The following PLXNA4 variants were observed in gnomAD, a reference collection of about 807,000 sequenced individuals.
The protein encoded by PLXNA4 is plexin-A4.
A neutral mutation model predicts 191.8 loss-of-function variants in PLXNA4; 44 were observed. The observed-to-expected ratio is 0.23, with a 90% CI of 0.18 to 0.29. The LOEUF (loss-of-function observed/expected upper bound fraction) is 0.29, where lower values mean the gene tolerates loss of function less well. Among genes scored for constraint, PLXNA4 ranks in the 10% least tolerant of loss-of-function variants. The pLI, the probability that PLXNA4 is intolerant of heterozygous loss-of-function variation, is 1.00. For synonymous variants in PLXNA4, 1,082 were observed against 1,009.5 expected, an observed-to-expected ratio of 1.07 and a Z score of -1.36; for missense variants, 1,800 against 2,488.8, an observed-to-expected ratio of 0.72 and a Z score of 5.89.
chr7:132,173,359 C>T (rs1210033398), intron 21 of PLXNA4, among the ~76,000 whole-genome samples: 1 of 152,160 alleles, frequency 6.6e-6, no homozygotes, highest in Non-Finnish European at 1.5e-5. Flanking sequence ...TATGCACGGG[C>T]TACATCTACA....
At position 132,133,147 on chromosome 7, in the gene PLXNA4, C is replaced by T. The variant is rs756962656; in HGVS notation, c.5491G>A (p.Ala1831Thr). 8.1e-6 allele frequency: 13 copies of T among 1,614,132 alleles called. No individual in the cohort carries two copies. The highest frequency in any genetic ancestry group is 1.0e-5 in the Non-Finnish European group (12 of 1,180,028). The change falls in exon 31 of 32, where the codon GCA (alanine) becomes ACA (threonine). Residue 1831 changes from alanine (A) to threonine (T), a missense_variant. Ala to Thr is a moderately conservative substitution (Grantham distance 58). This residue lies in a region of PLXNA4 where 83 missense variants were observed against 81.6 expected (regional missense o/e 1.02). Transcript: ENST00000321063. ...MPAISDQDMN[A>T]YLAEQSRMHM... ...ATCCGGGACTGCTCAGCCAGGTATG[C>T]GTTCATGTCTTGGTCGCTGATGGCT...
chr7:132,333,207 A>G (rs1388508766), intron 3 of PLXNA4, among the ~76,000 whole-genome samples: 1 of 152,136 alleles, frequency 6.6e-6, no homozygotes, highest in Admixed American at 6.5e-5. Context: ...TGCAGCGGCC[A>G]TCCCTGTGTG....
Position 132,302,637 on chromosome 7 carries a change from C to T in PLXNA4, c.1372-4415G>A, listed in dbSNP as rs556265684. On this transcript the variant is annotated intron_variant, in intron 3 of 31. Coordinates refer to ENST00000321063, the MANE Select transcript of PLXNA4 (RefSeq NM_020911.2). The stretch of plus-strand genomic sequence containing the variant: ...AAAACAGACAAGCAGAAGCCATCAT[C>T]TTGGTCAAGTTCACCTGAACATACG... Among the ~76,000 whole-genome samples the T allele has an allele frequency of 3.3e-5, 5 of 151,204 alleles. No individual in the cohort carries two copies. In the South Asian group the frequency reaches 1.1e-3, roughly 32 times the overall value.
chr7:132,388,022 A>T (rs899885102), intron 3 of PLXNA4, among the ~76,000 whole-genome samples: 51 of 152,180 alleles, frequency 3.4e-4, no homozygotes, highest in African/African-American at 1.2e-3. Context: ...GCTTCAATCA[A>T]TTCCCACCGA....
chr7:132,315,059 T>C (rs1801892092), intron 3 of PLXNA4, among the ~76,000 whole-genome samples: 1 of 152,224 alleles, frequency 6.6e-6, no homozygotes, highest in South Asian at 2.1e-4. Flanking sequence ...TGGAATATTG[T>C]GCTCTTCCTC....
At chr7:132,218,634 G>T (rs889505516) in intron 9 of PLXNA4, among the ~76,000 whole-genome samples, 1 of 152,202 alleles carries the variant, frequency 6.6e-6, no homozygotes, top group Non-Finnish European at 1.5e-5. Context: ...GTCCAGGTTG[G>T]CCTGTGGAGG....
In PLXNA4 at chr7:132,125,406, A is replaced by AT. The variant is rs113584906; in HGVS notation, c.*5072dup. On this transcript the variant is annotated 3_prime_UTR_variant, in exon 32 of 32. Transcript: ENST00000321063. ...CCTCATCCAGGGAATGTCCTGACCC[A>AT]TTTTTTTTTTTCAATGGGGGAGGCT... The AT allele has an allele frequency of 1.2e-3, 168 of 143,700 alleles. 1 individual carries two copies. The highest frequency in any genetic ancestry group is 4.7e-3 in the South Asian group (21 of 4,514). 8.9% of individuals were successfully genotyped at this position (143,700 alleles called of 1,614,324 possible).
chr7:132,491,726 C>A (rs746770886), intron 2 of PLXNA4, among the ~76,000 whole-genome samples: 4 of 152,002 alleles, frequency 2.6e-5, no homozygotes, highest in Non-Finnish European at 5.9e-5. Flanking sequence ...GTCAGGAGTT[C>A]GAGACCAACA....
chr7:132,203,276 C>T lies in PLXNA4; in HGVS notation c.2395+47G>A, dbSNP rs1797502837. On this transcript the variant is annotated intron_variant, in intron 11 of 31. Transcript: ENST00000321063. ...GCAGGACGGCTCCTTCCCTCTCTAC[C>T]CCATCCCTTCCCCTCCCTCCCCTGC... 3.3e-6 allele frequency: 5 copies of T among 1,537,456 alleles called. No individual in the cohort carries two copies. The South Asian group carries it at 3.4e-5, about 10-fold the overall frequency.
At chr7:132,642,914 C>T (rs533401819) in intron 2 of PLXNA4, among the ~76,000 whole-genome samples, 15 of 152,118 alleles carry the variant, frequency 9.9e-5, no homozygotes, top group African/African-American at 1.9e-4. Flanking sequence ...GAGTATGATA[C>T]GATATAATTT....
intron 3 of PLXNA4, among the ~76,000 whole-genome samples, chr7:132,355,405 T>C (rs955181639): frequency 3.3e-5 from 5 of 152,200 alleles, no homozygotes; most frequent in Admixed American, 6.5e-5. Context: ...ACATCCTAAC[T>C]GATAAATCCC....
intron 3 of PLXNA4, among the ~76,000 whole-genome samples, chr7:132,477,111 A>G (rs1041083652): frequency 3.3e-5 from 5 of 152,224 alleles, no homozygotes; most frequent in African/African-American, 1.2e-4. Flanking sequence ...TAAGTCAAGA[A>G]GTGCCTAGCG....
At chr7:132,196,251 C>T (rs73499391) in intron 13 of PLXNA4, among the ~76,000 whole-genome samples, 13,202 of 152,280 alleles carry the variant, frequency 0.087, 630 homozygotes, top group Middle Eastern at 0.13. Context: ...TTGTGAAGTC[C>T]AAGCTCTTGC....
intron 3 of PLXNA4, among the ~76,000 whole-genome samples, chr7:132,308,275 C>T (rs191035668): frequency 6.6e-6 from 1 of 152,294 alleles, no homozygotes; most frequent in Non-Finnish European, 1.5e-5. Context: ...GCTAAAGTTA[C>T]AGGTTTGAAA....
In PLXNA4 at chr7:132,291,191, C is replaced by T. The variant is rs567715348; in HGVS notation, c.1503+6900G>A. On this transcript the variant is annotated intron_variant, in intron 4 of 31. Coordinates refer to ENST00000321063, the MANE Select transcript of PLXNA4 (RefSeq NM_020911.2). ...GTCTCTGGCCTCTGTGCTTGCTGTT[C>T]CCTCCACCTGGACCACTTCTCCCCA... Among the ~76,000 whole-genome samples the T allele has an allele frequency of 1.6e-4, 24 of 152,266 alleles. No homozygotes were observed. In the South Asian group the frequency reaches 5.0e-3, roughly 32 times the overall value.
At chr7:132,200,525 T>G (rs1246983076) in intron 12 of PLXNA4, among the ~76,000 whole-genome samples, 1 of 152,162 alleles carries the variant, frequency 6.6e-6, no homozygotes, top group Non-Finnish European at 1.5e-5. Context: ...ATTCCTACCA[T>G]GCAAAAGACT....
At chr7:132,605,820 G>C (rs928131675) in intron 2 of PLXNA4, among the ~76,000 whole-genome samples, 1 of 152,144 alleles carries the variant, frequency 6.6e-6, no homozygotes, top group African/African-American at 2.4e-5. Context: ...TGGACACAGA[G>C]AGACCCACAG....
chr7:132,584,443 CTT>C (rs1429402389), intron 2 of PLXNA4, among the ~76,000 whole-genome samples: 1 of 152,160 alleles, frequency 6.6e-6, no homozygotes, highest in Non-Finnish European at 1.5e-5. Flanking sequence ...CCACCTCAAA[CTT>C]AAGATTAGTG....
At chr7:132,189,030 A>G (rs5027072) in intron 14 of PLXNA4, among the ~76,000 whole-genome samples, 7,971 of 59,670 alleles carry the variant, frequency 0.13, 733 homozygotes, top group Non-Finnish European at 0.15. Flanking sequence ...GAGAGAGAGA[A>G]AGAGAGAGAG....
Sources: allele counts gnomAD v4.1 joint callset (sites outside exome capture counted in the v4.1 genomes callset), GRCh38; gene constraint gnomAD v4.1.1; regional missense constraint gnomAD v4.1.1; transcripts MANE v1.5; gene names NCBI Gene and HGNC (gene_info 2026-07-23, HGNC 2026-07-21).